Variants in RASL10B observed in about 807,000 individuals in gnomAD.
RASL10B encodes RAS like family 10 member B.
In RASL10B, 10 loss-of-function variants were observed where a neutral mutation model predicts 20.7. The ratio of observed to expected loss-of-function variants is 0.48; its 90% CI spans 0.30 to 0.82. RASL10B has a LOEUF of 0.82. RASL10B is among the 40% of genes least tolerant of loss of function. The pLI is 0.07. For synonymous variants in RASL10B, 110 were observed against 123.3 expected, an observed-to-expected ratio of 0.89 and a Z score of 0.72; for missense variants, 231 against 295.4, an observed-to-expected ratio of 0.78 and a Z score of 1.60.
Position 35,740,467 on chromosome 17 carries a change from A to G in RASL10B, c.275A>G (p.Tyr92Cys). ...LRSVHAYILV[Y>C]DICCFDSFEY... ...AGTGTCCACGCCTACATCCTGGTCTACGACATCTGCTGCTTTGACAGCTTT... is the reference window on the plus strand; with the variant it reads ...AGTGTCCACGCCTACATCCTGGTCTGCGACATCTGCTGCTTTGACAGCTTT... The change falls in exon 3 of 4, where the codon TAC becomes TGC. Residue 92 changes from tyrosine to cysteine, a missense_variant. Physicochemically the swap from Tyr to Cys is radical, Grantham distance 194. Transcript: ENST00000603017. 1.2e-6 allele frequency: 2 copies of G among 1,614,062 alleles called. No homozygotes were observed. Among genetic ancestry groups the G allele is most frequent in the Non-Finnish European group, 1.7e-6 (2 of 1,179,990 alleles).
chr17:35,741,331 C>T lies in RASL10B; in HGVS notation c.*26C>T, dbSNP rs1426056077. Reference sequence around the variant, plus strand: ...CGCCTGCGCGCCCCTCGGGCTGCACCGGCACTGGCCGAGCGGAGGGCGGGG... The same window carrying T: ...CGCCTGCGCGCCCCTCGGGCTGCACTGGCACTGGCCGAGCGGAGGGCGGGG... On this transcript the variant is annotated 3_prime_UTR_variant, in exon 4 of 4. Transcript: ENST00000603017. 3 of 1,410,782 alleles carry T rather than the reference C, an allele frequency of 2.1e-6. No homozygotes were observed. Among genetic ancestry groups the T allele is most frequent in the Middle Eastern group, 2.5e-4 (1 of 3,940 alleles). The allele number at this position is 1,410,782 out of a possible 1,614,324, so 87.4% of individuals were successfully genotyped here.
intron 1 of RASL10B, among the ~76,000 whole-genome samples, chr17:35,733,575 G>A (rs1238324166): frequency 2.0e-5 from 3 of 152,196 alleles, no homozygotes; most frequent in Admixed American, 6.5e-5. Context: ...GCACCCATGC[G>A]GAAAAGCATG....
rs1555597021 is a variant in RASL10B at position 35,735,305 on chromosome 17, C to T, written c.121C>T (p.Leu41Phe). 2 of 1,614,150 alleles carry T rather than the reference C, an allele frequency of 1.2e-6. No homozygotes were observed. The highest frequency in any genetic ancestry group is 8.5e-7 in the Non-Finnish European group (1 of 1,180,046). The change falls in exon 2 of 4, where the codon CTT becomes TTT. Residue 41 changes from leucine to phenylalanine, a missense_variant. By Grantham distance (22) the Leu-to-Phe change is conservative. Coordinates refer to ENST00000603017, the MANE Select transcript of RASL10B (RefSeq NM_033315.4). This position sits in a 1 kb window ranked among gnomAD's most constrained non-coding sequence, Gnocchi z 6.7. ...EVCVPTTARR[L>F]YLPAVVMNGH... The stretch of plus-strand genomic sequence containing the variant: ...CTGCGTCCCCACCACCGCCCGCCGC[C>T]TTTACCTGCCTGCTGTCGTCATGAA...
chr17:35,735,492 C>A lies in RASL10B; in HGVS notation c.216+92C>A. On this transcript the variant is annotated intron_variant, in intron 2 of 3. Transcript: ENST00000603017. This position sits in a 1 kb window ranked among gnomAD's most constrained non-coding sequence, Gnocchi z 6.7. ...AACTGCTGTAGCTTGGGCCCTATTGCCAGGGCCCCATCACTGAGTTTGGGA... is the reference window on the plus strand; with the variant it reads ...AACTGCTGTAGCTTGGGCCCTATTGACAGGGCCCCATCACTGAGTTTGGGA... The A allele has an allele frequency of 1.6e-6, 2 of 1,250,892 alleles. No homozygotes were observed. The highest frequency in any genetic ancestry group is 1.9e-5 in the Admixed American group (1 of 51,944). 77.5% of individuals were successfully genotyped at this position (1,250,892 alleles called of 1,614,324 possible).
Position 35,741,934 on chromosome 17 carries a change from A to C in RASL10B, c.*629A>C, listed in dbSNP as rs899977899. ...ACCGAGGTCCCAGATCAGTGAGGGGAGAAGGTTGAGCTCTCCGGCTTCCAG... is the reference window on the plus strand; with the variant it reads ...ACCGAGGTCCCAGATCAGTGAGGGGCGAAGGTTGAGCTCTCCGGCTTCCAG... On this transcript the variant is annotated 3_prime_UTR_variant, in exon 4 of 4. Coordinates refer to ENST00000603017, the MANE Select transcript of RASL10B (RefSeq NM_033315.4). 5 of 152,618 alleles carry C rather than the reference A, an allele frequency of 3.3e-5. No individual in the cohort carries two copies. In the East Asian group the frequency reaches 9.7e-4, roughly 30 times the overall value. 9.5% of individuals were successfully genotyped at this position (152,618 alleles called of 1,614,324 possible). A position where few individuals can be genotyped will look rare whatever the true frequency, so the allele number is the denominator to read the frequency against.
At chr17:35,733,364 C>G (rs2085571319) in intron 1 of RASL10B, among the ~76,000 whole-genome samples, 1 of 152,216 alleles carries the variant, frequency 6.6e-6, no homozygotes, top group African/African-American at 2.4e-5. Context: ...AATAAAGTTT[C>G]TTGCCCAAGG....
At chr17:35,732,273 AC>A (rs2085563097) in intron 1 of RASL10B, among the ~76,000 whole-genome samples, 1 of 152,150 alleles carries the variant, frequency 6.6e-6, no homozygotes, top group African/African-American at 2.4e-5. Context: ...TTGGGCAGCG[AC>A]CCAGGTGTCC....
At chr17:35,738,325 A>G (rs2085607711) in intron 2 of RASL10B, among the ~76,000 whole-genome samples, 1 of 152,172 alleles carries the variant, frequency 6.6e-6, no homozygotes, top group Non-Finnish European at 1.5e-5. Flanking sequence ...GCAGAGAAAT[A>G]CTGTGAAAAA....
At position 35,740,089 on chromosome 17, in the gene RASL10B, TA is replaced by T. The variant is rs782789518; in HGVS notation, c.217-317del. ...GAGCTGGACTCTTAGAGGTACTTAA[TA>T]AATGTACTTGTTGAACAAAGGCCTC... On this transcript the variant is annotated intron_variant, in intron 2 of 3. Coordinates refer to ENST00000603017, the MANE Select transcript of RASL10B (RefSeq NM_033315.4). 1.2e-4 allele frequency among the ~76,000 whole-genome samples: 18 copies of T among 152,302 alleles called. No individual in the cohort carries two copies. In the South Asian group the frequency reaches 3.7e-3, roughly 32 times the overall value.
At chr17:35,738,280 A>G (rs2085607456) in intron 2 of RASL10B, among the ~76,000 whole-genome samples, 1 of 152,266 alleles carries the variant, frequency 6.6e-6, no homozygotes, top group African/African-American at 2.4e-5. Flanking sequence ...AAGATATCCA[A>G]GATTTCACTC....
In RASL10B at chr17:35,735,646, G is replaced by A. The variant is rs1195259898; in HGVS notation, c.216+246G>A. Among the ~76,000 whole-genome samples the A allele has an allele frequency of 6.6e-6, 1 of 152,266 alleles. No individual in the cohort carries two copies. The highest frequency in any genetic ancestry group is 1.5e-5 in the Non-Finnish European group (1 of 68,052). On this transcript the variant is annotated intron_variant, in intron 2 of 3. Transcript: ENST00000603017. The surrounding 1 kb of genome is among the most constrained non-coding windows in gnomAD (Gnocchi z 6.7). ...GCCAGGCCCTGCAGTGGGCACTGGT[G>A]CAGAATGGTGAGCAAAAAATTTATG...
chr17:35,738,044 G>C (rs2085605411), intron 2 of RASL10B, among the ~76,000 whole-genome samples: 1 of 152,132 alleles, frequency 6.6e-6, no homozygotes, highest in Non-Finnish European at 1.5e-5. Context: ...TGCCATCAGA[G>C]TATATTGTCA....
At chr17:35,734,577 A>C (rs1185073947) in intron 1 of RASL10B, among the ~76,000 whole-genome samples, 1 of 152,184 alleles carries the variant, frequency 6.6e-6, no homozygotes, top group Non-Finnish European at 1.5e-5. Flanking sequence ...CTTGGGGGCC[A>C]CGGAAAGCAA....
At position 35,735,115 on chromosome 17, in the gene RASL10B, C is replaced by G; in HGVS notation, c.-70C>G. ...TCCTGACGGTGGCTGAGCCCCCAGC[C>G]CCTGGAATATGCAGCCCGGGGGAGC... On this transcript the variant is annotated 5_prime_UTR_variant, in exon 2 of 4. Transcript: ENST00000603017. This position sits in a 1 kb window ranked among gnomAD's most constrained non-coding sequence, Gnocchi z 6.7. The G allele has an allele frequency of 6.6e-7, 1 of 1,504,738 alleles. No homozygotes were observed. The highest frequency in any genetic ancestry group is 9.1e-7 in the Non-Finnish European group (1 of 1,101,332). The allele number at this position is 1,504,738 out of a possible 1,614,324, so 93.2% of individuals were successfully genotyped here.
intron 2 of RASL10B, chr17:35,736,768 T>A (rs2085595756): frequency 6.6e-6 from 1 of 152,232 alleles, no homozygotes; most frequent in Admixed American, 6.5e-5. Flanking sequence ...TTTATTTTTT[T>A]ATTTTAGATG....
chr17:35,732,054 CTG>C (rs1231995799), intron 1 of RASL10B, among the ~76,000 whole-genome samples, 176 bp downstream of exon 1: 3 of 151,078 alleles, frequency 2.0e-5, no homozygotes, highest in African/African-American at 7.3e-5. Flanking sequence ...CACGTGAGAG[CTG>C]GAGCTGGGGG....
intron 2 of RASL10B, chr17:35,736,915 A>C (rs2085597073): frequency 6.6e-6 from 1 of 152,064 alleles, no homozygotes; most frequent in Admixed American, 6.6e-5. Flanking sequence ...GACCACACCC[A>C]GCTAATTTTT....
chr17:35,734,440 T>G (rs1243412578), intron 1 of RASL10B, among the ~76,000 whole-genome samples: 3 of 152,122 alleles, frequency 2.0e-5, no homozygotes, highest in Admixed American at 6.5e-5. Context: ...GCAGAGTAAG[T>G]GCTCAGCAGT....
Position 35,735,097 on chromosome 17 carries a change from G to C in RASL10B, c.-88G>C. On this transcript the variant is annotated 5_prime_UTR_variant, in exon 2 of 4. Coordinates refer to ENST00000603017, the MANE Select transcript of RASL10B (RefSeq NM_033315.4). The surrounding 1 kb of genome is among the most constrained non-coding windows in gnomAD (Gnocchi z 6.7). ...AGAGGCAGCAATGGTTGGTCCTGAC[G>C]GTGGCTGAGCCCCCAGCCCCTGGAA... 7.4e-7 allele frequency: 1 copy of C among 1,356,098 alleles called. No individual in the cohort carries two copies. 84.0% of individuals were successfully genotyped at this position (1,356,098 alleles called of 1,614,324 possible). A position where few individuals can be genotyped will look rare whatever the true frequency, so the allele number is the denominator to read the frequency against.
Sources: gnomAD v4.1 joint callset for allele counts (sites outside exome capture counted in the v4.1 genomes callset) on GRCh38, gnomAD v4.1.1 for gene constraint, Gnocchi (gnomAD v3.1) non-coding constraint, MANE v1.5 for transcripts, NCBI Gene and HGNC (gene_info 2026-07-23, HGNC 2026-07-21) for gene names.